The following LRGUK variants were observed in gnomAD, a reference collection of about 807,000 sequenced individuals.
The protein encoded by LRGUK is leucine-rich repeat and guanylate kinase domain-containing protein.
Under a neutral mutation model 76.0 loss-of-function variants are expected in LRGUK, and 65 were observed. The ratio of observed to expected loss-of-function variants is 0.85; its 90% confidence interval spans 0.70 to 1.05. The LOEUF (loss-of-function observed/expected upper bound fraction) is 1.05, where lower values mean the gene tolerates loss of function less well. LRGUK is among the 50% of genes least tolerant of loss of function. The probability of loss-of-function intolerance (pLI) is 0.00; values close to 1 mark genes in which losing one functional copy is unlikely to be tolerated. For missense variants in LRGUK, 758 were observed against 732.8 expected (o/e 1.03, Z -0.40); for synonymous variants, 268 against 265.6 (o/e 1.01, Z -0.09).
chr7:134,203,437 G>A (rs538093870), intron 15 of LRGUK, among the ~76,000 whole-genome samples: 1 of 152,134 alleles, frequency 6.6e-6, no homozygotes, highest in Non-Finnish European at 1.5e-5. Context: ...ACTGAGGCAG[G>A]GCAGGTCATG....
chr7:134,247,572 A>C, exon 17 of LRGUK: 1 of 1,613,536 alleles, frequency 6.2e-7, no homozygotes, highest in African/African-American at 1.3e-5. Context: ...GATTCTATAC[A>C]CAGACAGCAC....
chr7:134,208,535 A>G (rs1490305422), intron 15 of LRGUK, among the ~76,000 whole-genome samples: 1 of 152,262 alleles, frequency 6.6e-6, no homozygotes, highest in Non-Finnish European at 1.5e-5. Context: ...TGAGAGAATT[A>G]TAGACACTTA....
At chr7:134,171,187 A>G (rs1704720237) in intron 7 of LRGUK, among the ~76,000 whole-genome samples, 1 of 151,034 alleles carries the variant, frequency 6.6e-6, no homozygotes, top group African/African-American at 2.4e-5. Flanking sequence ...CAAAACCAAT[A>G]CTGAGAAGAT....
rs1800254611 is a variant in LRGUK, at chr7:134,191,668, AC to A, written c.1349del (p.Thr450LysfsTer26). The A allele has an allele frequency of 1.9e-6, 3 of 1,612,074 alleles. No homozygotes were observed. The highest frequency in any genetic ancestry group is 2.5e-6 in the Non-Finnish European group (3 of 1,178,986). On this transcript the variant is annotated frameshift_variant, in exon 12 of 16. Coordinates refer to ENST00000645682, the Ensembl canonical transcript of LRGUK. LOFTEE classifies it high-confidence loss of function. ...TTATGATTTCAGGGCCTGTCATACC[AC>A]AAGACCACCTTACTTTGGAGAAGGG...
At chr7:134,132,589 T>A (rs971100172) in intron 1 of LRGUK, among the ~76,000 whole-genome samples, 14 of 152,192 alleles carry the variant, frequency 9.2e-5, no homozygotes, top group African/African-American at 3.4e-4. Context: ...GTAGATTGGT[T>A]ATTAAAGGAA....
chr7:134,158,678 C>A (rs1384007710), intron 6 of LRGUK, among the ~76,000 whole-genome samples: 1 of 152,102 alleles, frequency 6.6e-6, no homozygotes, highest in Non-Finnish European at 1.5e-5. Context: ...ATGAACAATT[C>A]CAATCAGAAA....
intron 12 of LRGUK, among the ~76,000 whole-genome samples, chr7:134,192,974 G>A (rs1231338500): frequency 2.0e-5 from 3 of 151,938 alleles, no homozygotes; most frequent in Non-Finnish European, 2.9e-5. Flanking sequence ...CCCAAATAAT[G>A]GACCTGGCTT....
intron 18 of LRGUK, among the ~76,000 whole-genome samples, chr7:134,252,139 G>C (rs1563200722): frequency 6.6e-6 from 1 of 151,448 alleles, no homozygotes; most frequent in Non-Finnish European, 1.5e-5. Context: ...AGGAGTTCAA[G>C]ACCAGCCTCG....
exon 2 of LRGUK, chr7:134,137,023 G>A (rs759348907): frequency 1.9e-6 from 3 of 1,610,944 alleles, no homozygotes; most frequent in Non-Finnish European, 2.5e-6. Flanking sequence ...TTTTTTACAG[G>A]AGGAATTTGA....
At chr7:134,148,822 C>A (rs184087297) in intron 5 of LRGUK, among the ~76,000 whole-genome samples, 1 of 151,420 alleles carries the variant, frequency 6.6e-6, no homozygotes, top group Non-Finnish European at 1.5e-5. Flanking sequence ...GACTGAGGCA[C>A]GAGAATTGCT....
chr7:134,273,259 G>A, the LRGUK span, among the ~76,000 whole-genome samples: 1 of 152,132 alleles, frequency 6.6e-6, no homozygotes, highest in South Asian at 2.1e-4. Context: ...TTGAGAACTT[G>A]GCGAACCTGA....
intron 7 of LRGUK, among the ~76,000 whole-genome samples, chr7:134,164,789 A>G (rs1798900500): frequency 6.6e-6 from 1 of 152,176 alleles, no homozygotes; most frequent in Non-Finnish European, 1.5e-5. Context: ...TTAGGTTGCT[A>G]AGAATCAAGA....
chr7:134,128,530 T>C (rs1424502137), intron 1 of LRGUK, among the ~76,000 whole-genome samples: 2 of 152,334 alleles, frequency 1.3e-5, no homozygotes, highest in East Asian at 1.9e-4. Flanking sequence ...TTCAAAAGCG[T>C]AATTTAATTT....
chr7:134,228,006 G>A (rs1462957822), intron 16 of LRGUK, among the ~76,000 whole-genome samples: 1 of 152,092 alleles, frequency 6.6e-6, no homozygotes, highest in Non-Finnish European at 1.5e-5. Context: ...AAGTCATCAA[G>A]CCATAGATTA....
chr7:134,160,700 A>G (rs1264576794), intron 6 of LRGUK, among the ~76,000 whole-genome samples: 1 of 152,238 alleles, frequency 6.6e-6, no homozygotes, highest in Admixed American at 6.5e-5. Context: ...ATGACAATGC[A>G]TTCCAAACTT....
intron 6 of LRGUK, among the ~76,000 whole-genome samples, chr7:134,163,024 T>C (rs1798815645): frequency 6.6e-6 from 1 of 152,170 alleles, no homozygotes; most frequent in Non-Finnish European, 1.5e-5. Context: ...GTGATGATGA[T>C]GAAAGAGTTA....
intron 5 of LRGUK, among the ~76,000 whole-genome samples, chr7:134,153,170 C>T (rs930431770): frequency 1.3e-5 from 2 of 151,452 alleles, no homozygotes; most frequent in Admixed American, 1.3e-4. Context: ...ATTTAAAAAC[C>T]TGAAAATTAT....
exon 15 of LRGUK, chr7:134,201,503 A>G (rs755477742): frequency 5.6e-6 from 9 of 1,614,000 alleles, no homozygotes; most frequent in Non-Finnish European, 7.6e-6. Context: ...TTGCCTACCA[A>G]AAACTGAGTC....
intron 1 of LRGUK, among the ~76,000 whole-genome samples, chr7:134,132,438 T>A (rs942932071): frequency 2.0e-5 from 3 of 152,158 alleles, no homozygotes; most frequent in Non-Finnish European, 4.4e-5. Context: ...TGCTCATTCA[T>A]TTTGCCTGTT....
Sources: gnomAD v4.1 joint callset for allele counts (sites outside exome capture counted in the v4.1 genomes callset) on GRCh38, gnomAD v4.1.1 for gene constraint, MANE v1.5 for transcripts, NCBI Gene and HGNC (gene_info 2026-07-23, HGNC 2026-07-21) for gene names.